The following CDC42EP3 variants were observed in gnomAD, a reference collection of about 807,000 sequenced individuals.
The protein encoded by CDC42EP3 is CDC42 effector protein 3.
In CDC42EP3, 4 loss-of-function variants were observed where a neutral mutation model predicts 15.5. The observed-to-expected ratio is 0.26, with a 90% CI of 0.13 to 0.59. CDC42EP3 has a LOEUF of 0.59. CDC42EP3 is among the 20% of genes least tolerant of loss of function. The probability of loss-of-function intolerance (pLI) is 0.89; values close to 1 mark genes in which losing one functional copy is unlikely to be tolerated. For missense variants in CDC42EP3, 309 were observed against 311.2 expected (o/e 0.99, Z 0.05); for synonymous variants, 145 against 130.3 (o/e 1.11, Z -0.77).
intron 1 of CDC42EP3, among the ~76,000 whole-genome samples, chr2:37,658,845 G>T (rs752149682): frequency 6.7e-6 from 1 of 148,270 alleles, no homozygotes; most frequent in Non-Finnish European, 1.5e-5. Flanking sequence ...CTGCCTCCCC[G>T]GTCCTTCCAC....
At chr2:37,657,973 G>C (rs1406994718) in intron 1 of CDC42EP3, among the ~76,000 whole-genome samples, 1 of 152,182 alleles carries the variant, frequency 6.6e-6, no homozygotes, top group African/African-American at 2.4e-5. Context: ...GGTCAGAGTT[G>C]AGTAGCCTGT....
intron 1 of CDC42EP3, among the ~76,000 whole-genome samples, chr2:37,654,538 T>G (rs766406477): frequency 6.6e-6 from 1 of 151,770 alleles, no homozygotes; most frequent in Non-Finnish European, 1.5e-5. Context: ...TGGAATGGGC[T>G]GGGGTGGGGA....
intron 1 of CDC42EP3, chr2:37,647,673 G>A (rs768909176): frequency 2.0e-5 from 3 of 152,542 alleles, no homozygotes; most frequent in Non-Finnish European, 4.4e-5. Context: ...TGGTGTTAAT[G>A]CCTTTGTGAG....
In CDC42EP3 at chr2:37,645,182, T is replaced by C. The variant is rs1436504529; in HGVS notation, c.*641A>G. On this transcript the variant is annotated 3_prime_UTR_variant, in exon 2 of 2. Coordinates refer to ENST00000295324, the MANE Select transcript of CDC42EP3 (RefSeq NM_006449.5). The stretch of plus-strand genomic sequence containing the variant: ...AAAGCCAAAGGCACGTAAAAATATA[T>C]TTTAACTTTAAAAATAACTTAGTTA... The C allele has an allele frequency of 1.3e-5, 2 of 152,628 alleles. No homozygotes were observed. The highest frequency in any genetic ancestry group is 4.8e-5 in the African/African-American group (2 of 41,440). The allele number at this position is 152,628 out of a possible 1,614,324, so 9.5% of individuals were successfully genotyped here.
chr2:37,671,698 G>GGCGGGGCCGGCGGC, upstream of CDC42EP3: 1 of 150,734 alleles, frequency 6.6e-6, no homozygotes, highest in South Asian at 1.8e-4. Flanking sequence ...GGCGGCGCGG[G>GGCGGGGCCGGCGGC]GCGGGGCCGG....
At chr2:37,649,533 A>G (rs940969751) in intron 1 of CDC42EP3, among the ~76,000 whole-genome samples, 1 of 150,168 alleles carries the variant, frequency 6.7e-6, no homozygotes, top group Non-Finnish European at 1.5e-5. Flanking sequence ...TGACTGGATC[A>G]TTCACATACA....
rs569302358 is a variant in CDC42EP3, at chr2:37,671,626, A to G, written c.-436T>C. On this transcript the variant is annotated 5_prime_UTR_variant, in exon 1 of 2. Transcript: ENST00000295324. ...CGCGCTGCGGTCCCCCGGCCGCGAGAGAAGGTGCGCGCGACTGAGCGCGGG... is the reference window on the plus strand; with the variant it reads ...CGCGCTGCGGTCCCCCGGCCGCGAGGGAAGGTGCGCGCGACTGAGCGCGGG... The G allele has an allele frequency of 2.6e-4, 39 of 152,276 alleles. No individual in the cohort carries two copies. The highest frequency in any genetic ancestry group is 1.8e-3 in the Admixed American group (28 of 15,244). 9.4% of individuals were successfully genotyped at this position (152,276 alleles called of 1,614,324 possible).
chr2:37,647,343 T>G (rs1327986796), intron 1 of CDC42EP3: 3 of 152,240 alleles, frequency 2.0e-5, no homozygotes, highest in African/African-American at 7.2e-5. Context: ...AATACATTCT[T>G]ACAGATAAGA....
intron 1 of CDC42EP3, among the ~76,000 whole-genome samples, chr2:37,668,897 T>C (rs1180310624): frequency 6.6e-6 from 1 of 152,216 alleles, no homozygotes; most frequent in Non-Finnish European, 1.5e-5. Flanking sequence ...CTTGGTCTTC[T>C]ATGGCTTGGT....
intron 1 of CDC42EP3, among the ~76,000 whole-genome samples, chr2:37,648,435 G>C (rs1372627640): frequency 6.6e-6 from 1 of 152,232 alleles, no homozygotes; most frequent in African/African-American, 2.4e-5. Context: ...ACCAGTGGCA[G>C]GTGACAAGAA....
chr2:37,654,280 A>C (rs1385181024), intron 1 of CDC42EP3, among the ~76,000 whole-genome samples: 5 of 152,152 alleles, frequency 3.3e-5, no homozygotes, highest in Non-Finnish European at 7.3e-5. Flanking sequence ...ATGTCCCCGC[A>C]TGTTCAGAGG....
Position 37,646,680 on chromosome 2 carries a change from T to C in CDC42EP3, c.-93A>G. On this transcript the variant is annotated 5_prime_UTR_variant, in exon 2 of 2. Transcript: ENST00000295324. ...TTTCTGAATCCTTTTTGATAGGAACTGTCACATCATTTTTCTCAAGTGGCT... is the reference window on the plus strand; with the variant it reads ...TTTCTGAATCCTTTTTGATAGGAACCGTCACATCATTTTTCTCAAGTGGCT... 1 of 1,223,870 alleles carries C rather than the reference T, an allele frequency of 8.2e-7. No individual in the cohort carries two copies. The highest frequency in any genetic ancestry group is 2.4e-5 in the East Asian group (1 of 41,586). 75.8% of individuals were successfully genotyped at this position (1,223,870 alleles called of 1,614,324 possible). A position where few individuals can be genotyped will look rare whatever the true frequency, so the allele number is the denominator to read the frequency against.
At chr2:37,663,276 G>C (rs759946287) in intron 1 of CDC42EP3, among the ~76,000 whole-genome samples, 1 of 152,186 alleles carries the variant, frequency 6.6e-6, no homozygotes, top group Non-Finnish European at 1.5e-5. Flanking sequence ...ATCCATGGAG[G>C]GCCTACTAAG....
chr2:37,660,115 T>G (rs1411355932), intron 1 of CDC42EP3, among the ~76,000 whole-genome samples: 4 of 152,246 alleles, frequency 2.6e-5, no homozygotes, highest in Non-Finnish European at 5.9e-5. Flanking sequence ...ACACAAGGCA[T>G]TATCTTTTCC....
At chr2:37,653,815 C>T (rs189011998) in intron 1 of CDC42EP3, among the ~76,000 whole-genome samples, 117 of 151,528 alleles carry the variant, frequency 7.7e-4, no homozygotes, top group African/African-American at 2.7e-3. Context: ...TAATTTAAAA[C>T]ACACATGTAT....
In CDC42EP3 at chr2:37,642,766, A is replaced by T. The variant is rs1235432227; in HGVS notation, c.*3057T>A. ...GACTTCATTTGCGGGGAGCCTTCAG[A>T]AAAAACAGGTCACTTGCAGTAATAT... is the stretch of plus-strand genomic sequence containing the variant. On this transcript the variant is annotated 3_prime_UTR_variant, in exon 2 of 2. Transcript: ENST00000295324. 6.6e-6 allele frequency: 1 copy of T among 152,196 alleles called. No homozygotes were observed. The highest frequency in any genetic ancestry group is 1.5e-5 in the Non-Finnish European group (1 of 68,030). The allele number at this position is 152,196 out of a possible 1,614,324, so 9.4% of individuals were successfully genotyped here.
At chr2:37,661,006 T>C (rs1666039397) in intron 1 of CDC42EP3, among the ~76,000 whole-genome samples, 2 of 152,198 alleles carry the variant, frequency 1.3e-5, no homozygotes, top group African/African-American at 4.8e-5. Flanking sequence ...AAATCACTTA[T>C]TTCCTTTTGA....
chr2:37,653,821 T>C (rs1665762354), intron 1 of CDC42EP3, among the ~76,000 whole-genome samples: 1 of 151,932 alleles, frequency 6.6e-6, no homozygotes, highest in Admixed American at 6.6e-5. Flanking sequence ...AAAACACACA[T>C]GTATAAAAAT....
At chr2:37,653,570 A>T (rs1665754842) in intron 1 of CDC42EP3, among the ~76,000 whole-genome samples, 1 of 152,174 alleles carries the variant, frequency 6.6e-6, no homozygotes, top group Non-Finnish European at 1.5e-5. Context: ...GGAAGGGAAA[A>T]TCAAGCGGTT....
Sources: gnomAD v4.1 joint callset for allele counts (sites outside exome capture counted in the v4.1 genomes callset) on GRCh38, gnomAD v4.1.1 for gene constraint, MANE v1.5 for transcripts, NCBI Gene and HGNC (gene_info 2026-07-23, HGNC 2026-07-21) for gene names.